ZNF385D: variants seen among roughly 807,000 people sequenced by gnomAD.
The protein encoded by ZNF385D is zinc finger protein 659.
ZNF385D carries 15 observed loss-of-function variants against 35.8 expected under a neutral mutation model. The ratio of observed to expected loss-of-function variants is 0.42; its 90% CI spans 0.28 to 0.64. ZNF385D has a LOEUF of 0.64. Among genes scored for constraint, ZNF385D ranks in the 30% least tolerant of loss-of-function variants. The pLI is 0.23. For missense variants in ZNF385D, 474 were observed against 494.6 expected, an observed-to-expected ratio of 0.96 and a Z score of 0.39; for synonymous variants, 212 against 186.8, an observed-to-expected ratio of 1.13 and a Z score of -1.10.
At chr3:21,697,133 C>T (rs2067499097) in intron 1 of ZNF385D, among the ~76,000 whole-genome samples, 1 of 152,084 alleles carries the variant, frequency 6.6e-6, no homozygotes, top group Admixed American at 6.6e-5. Context: ...ACTTAGCCTC[C>T]TTGTACCTCT....
chr3:21,427,831 T>C lies in ZNF385D; in HGVS notation c.674-2161A>G, dbSNP rs115654287. 7.8e-3 allele frequency among the ~76,000 whole-genome samples: 1,193 copies of C among 152,210 alleles called. 14 individuals carry two copies. The highest frequency in any genetic ancestry group is 0.01 in the Non-Finnish European group (714 of 68,004). On this transcript the variant is annotated intron_variant, in intron 5 of 7. Transcript: ENST00000281523. ...GTCTCTCCATAGAAGCTAGAAAAGA[T>C]AGGACAATTAAATATACCCATACCT... is the stretch of plus-strand genomic sequence containing the variant.
chr3:21,421,416 T>G lies in ZNF385D; in HGVS notation c.986A>C (p.Lys329Thr). The G allele has an allele frequency of 6.2e-7, 1 of 1,613,588 alleles. No homozygotes were observed. The highest frequency in any genetic ancestry group is 1.1e-5 in the South Asian group (1 of 91,040). Reference protein sequence around the residue: ...VKLVFSKEPSKPLAPRILPNP... With the variant: ...VKLVFSKEPSTPLAPRILPNP... ...TGGTAGAATTCGTGGAGCCAATGGC[T>G]TTGAAGGTTCTTTTGAAAATACTAA... is the stretch of plus-strand genomic sequence containing the variant. Residue 329 changes from lysine to threonine, a missense_variant, in exon 8 of 8, where the codon AAG becomes ACG. Lys to Thr is a moderately conservative substitution (Grantham distance 78, BLOSUM62 -1). Transcript: ENST00000281523.
At chr3:21,896,543 G>A (rs1219536575) in intron 3 of ZNF385D, among the ~76,000 whole-genome samples, 1 of 152,056 alleles carries the variant, frequency 6.6e-6, no homozygotes, top group Non-Finnish European at 1.5e-5. Flanking sequence ...TTTCCCCCTG[G>A]TATATTTTTA....
At chr3:21,889,446 T>C (rs259532) in intron 3 of ZNF385D, among the ~76,000 whole-genome samples, 39,561 of 152,008 alleles carry the variant, frequency 0.26, 5,482 homozygotes, top group South Asian at 0.41. Context: ...TCCCCAGTGA[T>C]AGCACCCAGT....
intron 1 of ZNF385D, among the ~76,000 whole-genome samples, chr3:21,704,926 A>C (rs1559535585): frequency 1.3e-5 from 2 of 152,160 alleles, no homozygotes; most frequent in African/African-American, 4.8e-5. Flanking sequence ...GTGGGGTGCT[A>C]TGTCATATAT....
intron 3 of ZNF385D, among the ~76,000 whole-genome samples, chr3:21,544,970 C>A (rs1021346686): frequency 6.6e-6 from 1 of 152,084 alleles, no homozygotes; most frequent in African/African-American, 2.4e-5. Flanking sequence ...ACAGGATTGC[C>A]AAAATGATGT....
intron 2 of ZNF385D, among the ~76,000 whole-genome samples, chr3:22,175,246 G>A (rs1050802534): frequency 2.6e-5 from 4 of 151,960 alleles, no homozygotes; most frequent in Admixed American, 2.6e-4. Flanking sequence ...ACTGTAATAC[G>A]TCATTTTGCA....
chr3:22,255,272 C>A (rs1378203677), intron 2 of ZNF385D, among the ~76,000 whole-genome samples: 6 of 38,756 alleles, frequency 1.5e-4, no homozygotes, highest in Admixed American at 1.3e-3. Context: ...ATCATGTATT[C>A]CCCCCCCCAA....
At chr3:21,907,855 A>G (rs1699757966) in intron 3 of ZNF385D, among the ~76,000 whole-genome samples, 2 of 152,128 alleles carry the variant, frequency 1.3e-5, no homozygotes, top group African/African-American at 4.8e-5. Flanking sequence ...TTCTTACAGG[A>G]TACATATATG....
At chr3:21,910,545 T>C (rs1241751754) in intron 3 of ZNF385D, among the ~76,000 whole-genome samples, 1 of 151,920 alleles carries the variant, frequency 6.6e-6, no homozygotes. Flanking sequence ...AACACTAATA[T>C]AACTGCTCTA....
intron 3 of ZNF385D, among the ~76,000 whole-genome samples, chr3:22,164,378 G>A (rs576480372): frequency 7.3e-5 from 11 of 151,666 alleles, no homozygotes; most frequent in East Asian, 2.0e-4. Flanking sequence ...ACAGGCATGC[G>A]CCACCACGTC....
At chr3:22,359,307 A>G (rs1275266930) in intron 2 of ZNF385D, among the ~76,000 whole-genome samples, 1 of 151,802 alleles carries the variant, frequency 6.6e-6, no homozygotes, top group Non-Finnish European at 1.5e-5. Context: ...TCTGTCTTGT[A>G]GAATCCAGTA....
At chr3:21,730,405 A>G (rs1399108058) in intron 1 of ZNF385D, among the ~76,000 whole-genome samples, 1 of 152,252 alleles carries the variant, frequency 6.6e-6, no homozygotes, top group African/African-American at 2.4e-5. Flanking sequence ...AGCCATTTTA[A>G]AAGAATACAT....
intron 4 of ZNF385D, among the ~76,000 whole-genome samples, chr3:21,498,206 G>A (rs1207269793): frequency 6.6e-6 from 1 of 152,024 alleles, no homozygotes; most frequent in East Asian, 1.9e-4. Flanking sequence ...AGATCATATA[G>A]AAAAATCAAC....
chr3:21,712,730 C>G (rs370938334), intron 1 of ZNF385D, among the ~76,000 whole-genome samples: 1 of 152,156 alleles, frequency 6.6e-6, no homozygotes, highest in Admixed American at 6.5e-5. Flanking sequence ...TTACTATTGT[C>G]TGAATACATA....
At chr3:21,961,659 T>G (rs192154673) in intron 3 of ZNF385D, 18 of 152,276 alleles carry the variant, frequency 1.2e-4, no homozygotes, top group Admixed American at 1.0e-3. Context: ...ACATTTCAAT[T>G]GTTGAAAAAC....
At chr3:22,315,173 GAAGA>G (rs1450915854) in intron 2 of ZNF385D, among the ~76,000 whole-genome samples, 2 of 152,212 alleles carry the variant, frequency 1.3e-5, no homozygotes, top group African/African-American at 4.8e-5. Flanking sequence ...TTCTGCAAAA[GAAGA>G]AATAGGATTT....
intron 3 of ZNF385D, among the ~76,000 whole-genome samples, chr3:21,952,557 C>A (rs1300722423): frequency 6.6e-6 from 1 of 151,684 alleles, no homozygotes; most frequent in Non-Finnish European, 1.5e-5. Context: ...TTTTGGAATC[C>A]CCCTAAACCT....
chr3:21,886,869 G>A (rs1575840437), intron 3 of ZNF385D, among the ~76,000 whole-genome samples: 1 of 152,026 alleles, frequency 6.6e-6, no homozygotes, highest in South Asian at 2.1e-4. Flanking sequence ...GGTGTGATTG[G>A]ATCAGCAGTG....
Sources: gnomAD v4.1 joint callset for allele counts (sites outside exome capture counted in the v4.1 genomes callset) on GRCh38, gnomAD v4.1.1 for gene constraint, MANE v1.5 for transcripts, NCBI Gene and HGNC (gene_info 2026-07-23, HGNC 2026-07-21) for gene names.